The following YBEY variants were observed in gnomAD, a reference collection of about 807,000 sequenced individuals.
YBEY encodes ybeY metalloendoribonuclease, also known as endoribonuclease YbeY.
In YBEY, 15 loss-of-function variants were observed where a neutral mutation model predicts 13.5. The observed-to-expected ratio is 1.11, with a 90% CI of 0.75 to 1.72. YBEY has a LOEUF of 1.72. YBEY is among the 40% of genes most tolerant of loss of function. The pLI is 0.00. For synonymous variants in YBEY, 101 were observed against 83.1 expected, an observed-to-expected ratio of 1.21 and a Z score of -1.17; for missense variants, 244 against 208.4, an observed-to-expected ratio of 1.17 and a Z score of -1.05.
At chr21:46,286,695 G>A (rs917493512) in intron 1 of YBEY, 175 bp from the exon 2 acceptor site, 3 of 392,858 alleles carry the variant, frequency 7.6e-6, no homozygotes, top group Non-Finnish European at 1.4e-5. Flanking sequence ...GCCGGATTCC[G>A]CGGCATCCTT....
At chr21:46,311,224 T>C in the YBEY span, among the ~76,000 whole-genome samples, 1 of 152,308 alleles carries the variant, frequency 6.6e-6, no homozygotes, top group African/African-American at 2.4e-5. Context: ...TGGATGATGA[T>C]TGGATGAGTT....
chr21:46,300,203 A>G (rs2082069911), downstream of YBEY: 3 of 152,644 alleles, frequency 2.0e-5, no homozygotes, highest in Non-Finnish European at 4.4e-5. Flanking sequence ...AGGCCGAGGC[A>G]GGTGGATCAC....
chr21:46,301,513 G>A, downstream of YBEY: 2 of 984,708 alleles, frequency 2.0e-6, no homozygotes, highest in Non-Finnish European at 2.4e-6. Context: ...TAGACTTTGT[G>A]GTATTTTCCC....
At chr21:46,302,582 G>C, downstream of YBEY, 7 of 1,608,510 alleles carry the variant, frequency 4.4e-6, no homozygotes, top group Non-Finnish European at 5.1e-6. Context: ...CATGTCTGCA[G>C]GGAAGAAGCA....
At chr21:46,289,237 G>A (rs1413211051) in intron 2 of YBEY, among the ~76,000 whole-genome samples, 2 of 152,122 alleles carry the variant, frequency 1.3e-5, no homozygotes, top group Non-Finnish European at 2.9e-5. Context: ...TAACTCTGTA[G>A]AAGTTGTGGA....
At chr21:46,302,341 G>C (rs552143988), downstream of YBEY, 2 of 1,106,278 alleles carry the variant, frequency 1.8e-6, no homozygotes, top group Admixed American at 2.7e-5. Context: ...GCTGGGACTC[G>C]ATGGGGATGG....
At chr21:46,300,326 G>C (rs150189760), downstream of YBEY, 1,671 of 157,132 alleles carry the variant, frequency 0.011, 40 homozygotes, top group African/African-American at 0.039. Context: ...AGCTACACGG[G>C]AGGCTGAGGC....
chr21:46,313,140 T>C, the YBEY span: 1 of 833,422 alleles, frequency 1.2e-6, no homozygotes, highest in Non-Finnish European at 1.4e-6. Context: ...AGCTCTTGAG[T>C]TGGCCATTGC....
At chr21:46,306,608 GACAGGGTTTC>G in the YBEY span, among the ~76,000 whole-genome samples, 1 of 152,124 alleles carries the variant, frequency 6.6e-6, no homozygotes, top group Non-Finnish European at 1.5e-5. Flanking sequence ...TTTATTTAGA[GACAGGGTTTC>G]ACTCTCTTGC....
the YBEY span, among the ~76,000 whole-genome samples, chr21:46,312,484 A>AATTTTTGTGTTT: frequency 6.6e-6 from 1 of 151,758 alleles, no homozygotes; most frequent in Admixed American, 6.6e-5. Context: ...ACGCCCGGCT[A>AATTTTTGTGTTT]ATTTTTGTGT....
At chr21:46,294,715 C>G (rs966005655) in intron 3 of YBEY, among the ~76,000 whole-genome samples, 2 of 151,890 alleles carry the variant, frequency 1.3e-5, no homozygotes, top group African/African-American at 2.4e-5. Context: ...AGACCTCTCT[C>G]ACTGTTATCA....
the YBEY span, among the ~76,000 whole-genome samples, chr21:46,303,646 G>C: frequency 7.4e-6 from 1 of 135,560 alleles, no homozygotes; most frequent in African/African-American, 2.7e-5. Flanking sequence ...GAGACCAGGA[G>C]CTGACACCAG....
At chr21:46,300,422 ACT>A (rs2082074338), downstream of YBEY, 2 of 199,386 alleles carry the variant, frequency 1.0e-5, no homozygotes, top group South Asian at 8.5e-5. Context: ...CAAGAGCAAA[ACT>A]CTGTCTCAAA....
At chr21:46,286,698 G>T in intron 1 of YBEY, 172 bp from the exon 2 acceptor site, 1 of 452,468 alleles carries the variant, frequency 2.2e-6, no homozygotes, top group Non-Finnish European at 3.9e-6. Flanking sequence ...GGATTCCGCG[G>T]CATCCTTCCA....
the YBEY span, among the ~76,000 whole-genome samples, chr21:46,303,728 TA>T: frequency 1.5e-4 from 4 of 26,822 alleles, no homozygotes; most frequent in Admixed American, 4.6e-4. Context: ...TATATATATA[TA>T]TATATATATA....
the YBEY span, among the ~76,000 whole-genome samples, chr21:46,305,082 A>C: frequency 6.6e-6 from 1 of 152,174 alleles, no homozygotes; most frequent in Non-Finnish European, 1.5e-5. Flanking sequence ...AAAGACAGAT[A>C]CTGTACGGCT....
rs2081467213 is a variant in YBEY at position 46,287,084 on chromosome 21, A to G, written c.171A>G (p.Arg57=). 6.2e-7 allele frequency: 1 copy of G among 1,613,166 alleles called. No homozygotes were observed. Among genetic ancestry groups the G allele is most frequent in the African/African-American group, 1.3e-5 (1 of 74,762 alleles). ...ACATTAATAGAATCTACAGAGATAG[A>G]AATGTCCCAACCGATGTGCTTTCTT... ...IQHINRIYRD[R]NVPTDVLSFP... Residue 57 remains arginine, a synonymous_variant, in exon 2 of 5, where the codon AGA becomes AGG. Transcript: ENST00000397701.
the YBEY span, among the ~76,000 whole-genome samples, chr21:46,306,409 G>C: frequency 1.3e-5 from 2 of 152,142 alleles, no homozygotes; most frequent in African/African-American, 4.8e-5. Context: ...TGAGGTAGGA[G>C]AATCGCTTCA....
downstream of YBEY, chr21:46,302,367 A>G: frequency 9.3e-7 from 1 of 1,072,240 alleles, no homozygotes; most frequent in Non-Finnish European, 1.3e-6. Context: ...TCACAGCCAG[A>G]CTGTAGACCT....
Sources: gnomAD v4.1 joint callset for allele counts (sites outside exome capture counted in the v4.1 genomes callset) on GRCh38, gnomAD v4.1.1 for gene constraint, MANE v1.5 for transcripts, NCBI Gene and HGNC (gene_info 2026-07-23, HGNC 2026-07-21) for gene names.